DHX35: variants seen among roughly 807,000 people sequenced by gnomAD.
DHX35 encodes DEAH-box helicase 35, also known as probable ATP-dependent RNA helicase DHX35.
In DHX35, 84 loss-of-function variants were observed where a neutral mutation model predicts 99.6. The ratio of observed to expected loss-of-function variants is 0.84; its 90% confidence interval spans 0.71 to 1.01. DHX35 has a LOEUF of 1.01. DHX35 is among the 50% of genes least tolerant of loss of function. The probability of loss-of-function intolerance (pLI) is 0.00; values close to 1 mark genes in which losing one functional copy is unlikely to be tolerated. For synonymous variants in DHX35, 331 were observed against 316.2 expected (o/e 1.05, Z -0.50); for missense variants, 852 against 888.5 (o/e 0.96, Z 0.52).
At position 39,023,692 on chromosome 20, in the gene DHX35, T is replaced by G. The variant is rs1277399707; in HGVS notation, c.1596T>G (p.Ile532Met). The change falls in exon 17 of 22, where the codon ATT becomes ATG. Residue 532 changes from isoleucine to methionine, a missense_variant and splice_region_variant. Transcript: ENST00000252011. ...GAATGTTGCTTCATTCTTTCCAGAT[T>G]CGAGTGCACCGTAAATTTGCTGTGG... Reference protein sequence around the residue: ...VVPPNQKSHAIRVHRKFAVEE... With the variant: ...VVPPNQKSHAMRVHRKFAVEE... The G allele has an allele frequency of 6.2e-7, 1 of 1,613,918 alleles. No homozygotes were observed. Among genetic ancestry groups the G allele is most frequent in the Admixed American group, 1.7e-5 (1 of 60,026 alleles).
chr20:39,005,139 TA>T, intron 11 of DHX35, among the ~76,000 whole-genome samples: 1 of 152,332 alleles, frequency 6.6e-6, no homozygotes, highest in Non-Finnish European at 1.5e-5. Flanking sequence ...AATGATCATT[TA>T]TAAAATAATT....
At chr20:38,971,999 GTTTTGTTTTTT>G (rs1414012610) in intron 2 of DHX35, among the ~76,000 whole-genome samples, 123 of 102,970 alleles carry the variant, frequency 1.2e-3, no homozygotes, top group Non-Finnish European at 1.7e-3. Flanking sequence ...TTTTTGTTTT[GTTTTGTTTTTT>G]TTTTTTTTTT....
chr20:38,994,105 T>C (rs1317075343), intron 7 of DHX35, among the ~76,000 whole-genome samples: 1 of 152,198 alleles, frequency 6.6e-6, no homozygotes, highest in Non-Finnish European at 1.5e-5. Context: ...TATTATTATT[T>C]TCATTGTTAT....
At chr20:38,999,106 G>T (rs529218539) in intron 8 of DHX35, among the ~76,000 whole-genome samples, 2 of 152,104 alleles carry the variant, frequency 1.3e-5, no homozygotes, top group Non-Finnish European at 2.9e-5. Context: ...CTTAATTCTT[G>T]AAAGAGTAAC....
At chr20:39,035,094 C>T (rs992465726) in intron 21 of DHX35, among the ~76,000 whole-genome samples, 2 of 151,196 alleles carry the variant, frequency 1.3e-5, no homozygotes, top group East Asian at 2.0e-4. Flanking sequence ...ATTTTTGGGA[C>T]AGAGTCTTGC....
At chr20:38,978,802 T>G (rs890587481) in intron 3 of DHX35, among the ~76,000 whole-genome samples, 9 of 152,214 alleles carry the variant, frequency 5.9e-5, no homozygotes, top group Non-Finnish European at 1.0e-4. Context: ...TTCTCTTTTG[T>G]TCTGGTAGTT....
At chr20:39,013,247 A>T (rs1367740580) in intron 13 of DHX35, among the ~76,000 whole-genome samples, 1 of 152,192 alleles carries the variant, frequency 6.6e-6, no homozygotes, top group African/African-American at 2.4e-5. Flanking sequence ...TAGCAATGTT[A>T]TTTACAATGG....
chr20:39,020,547 G>A (rs2086857127), intron 15 of DHX35, among the ~76,000 whole-genome samples: 5 of 151,702 alleles, frequency 3.3e-5, no homozygotes, highest in Admixed American at 3.3e-4. Flanking sequence ...TAACTTTTAT[G>A]TCAACTAGCA....
intron 3 of DHX35, among the ~76,000 whole-genome samples, chr20:38,982,062 A>G (rs1233885277): frequency 6.6e-6 from 1 of 152,110 alleles, no homozygotes; most frequent in East Asian, 1.9e-4. Context: ...ATATTAAGCC[A>G]TACATTATAA....
Position 39,028,512 on chromosome 20 carries a change from TTGG to T in DHX35, c.1883+16_1883+18del. Reference sequence around the variant, plus strand: ...CTGGAGCTTATAGGTAACATGATACTTGGTGAAGTCATTTGTTAAAGGAACAAT... The same window carrying T: ...CTGGAGCTTATAGGTAACATGATACTTGAAGTCATTTGTTAAAGGAACAAT... On this transcript the variant is annotated intron_variant, in intron 19 of 21. Coordinates refer to ENST00000252011, the MANE Select transcript of DHX35 (RefSeq NM_021931.4). 1 of 1,613,680 alleles carries T rather than the reference TTGG, an allele frequency of 6.2e-7. No homozygotes were observed. The highest frequency in any genetic ancestry group is 2.2e-5 in the East Asian group (1 of 44,884).
chr20:38,989,393 G>A (rs1180254033), intron 5 of DHX35, among the ~76,000 whole-genome samples: 2 of 151,318 alleles, frequency 1.3e-5, no homozygotes, highest in African/African-American at 4.9e-5. Context: ...GATTACAGGC[G>A]TGAGCCACTG....
chr20:39,025,142 G>C, intron 17 of DHX35, 88 bp from the exon 18 acceptor site: 1 of 1,444,000 alleles, frequency 6.9e-7, no homozygotes, highest in Non-Finnish European at 9.3e-7. Context: ...ACAGCACATG[G>C]GGGAAGAGAG....
chr20:39,002,747 G>T, intron 9 of DHX35, 25 bp from the exon 10 acceptor site: 1 of 1,590,548 alleles, frequency 6.3e-7, no homozygotes, highest in South Asian at 1.1e-5. Context: ...TTCTAGTGAT[G>T]AATTCATCCC....
At chr20:38,966,206 T>A (rs1231289549) in intron 1 of DHX35, among the ~76,000 whole-genome samples, 1 of 152,254 alleles carries the variant, frequency 6.6e-6, no homozygotes, top group African/African-American at 2.4e-5. Context: ...GCAAAAGTTA[T>A]AAAGTTGTTA....
intron 3 of DHX35, 152 bp downstream of exon 3, chr20:38,972,803 C>T (rs2086023090): frequency 3.4e-6 from 2 of 590,232 alleles, no homozygotes; most frequent in South Asian, 2.2e-5. Context: ...ACTTTTAGGG[C>T]TTATAATTTC....
intron 2 of DHX35, among the ~76,000 whole-genome samples, chr20:38,970,621 T>C (rs1338503760): frequency 6.6e-6 from 1 of 152,204 alleles, no homozygotes; most frequent in Admixed American, 6.5e-5. Flanking sequence ...GAGCTTCTTT[T>C]CTTTATCTGT....
rs533224310 is a variant in DHX35 at position 38,988,563 on chromosome 20, G to C, written c.346-250G>C. Among the ~76,000 whole-genome samples, 13 of 152,234 alleles carry C rather than the reference G, an allele frequency of 8.5e-5. No homozygotes were observed. In the South Asian group the frequency reaches 2.7e-3, roughly 32 times the overall value. Reference sequence around the variant, plus strand: ...GAGGATTGCTTGAACTTGGGAGGTGGAGGTTGCAGTGAGCCGAGATTGTGC... The same window carrying C: ...GAGGATTGCTTGAACTTGGGAGGTGCAGGTTGCAGTGAGCCGAGATTGTGC... On this transcript the variant is annotated intron_variant, in intron 4 of 21. Transcript: ENST00000252011.
chr20:38,964,987 C>A (rs1465296359), intron 1 of DHX35, among the ~76,000 whole-genome samples: 1 of 152,194 alleles, frequency 6.6e-6, no homozygotes, highest in African/African-American at 2.4e-5. Context: ...GTTAGTGATT[C>A]TCTAATTTTG....
intron 8 of DHX35, among the ~76,000 whole-genome samples, chr20:38,996,646 C>G (rs903510784): frequency 6.6e-6 from 1 of 152,150 alleles, no homozygotes; most frequent in Non-Finnish European, 1.5e-5. Context: ...GCTCCTGGCT[C>G]CTAGTCTCCC....
Sources: gnomAD v4.1 joint callset for allele counts (sites outside exome capture counted in the v4.1 genomes callset) on GRCh38, gnomAD v4.1.1 for gene constraint, MANE v1.5 for transcripts, NCBI Gene and HGNC (gene_info 2026-07-23, HGNC 2026-07-21) for gene names.